LMX1A: variants seen among roughly 807,000 people sequenced by gnomAD.
LMX1A encodes the protein LIM homeobox transcription factor 1 alpha.
A neutral mutation model predicts 49.1 loss-of-function variants in LMX1A; 15 were observed. The ratio of observed to expected loss-of-function variants is 0.31; its 90% CI spans 0.20 to 0.47. LMX1A has a LOEUF of 0.47. Ranked by LOEUF, LMX1A falls within the 20% of genes least tolerant of loss-of-function variation. LMX1A has a pLI of 1.00. For missense variants in LMX1A, 372 were observed against 475.8 expected (o/e 0.78, Z 2.03); for synonymous variants, 167 against 185.7 (o/e 0.90, Z 0.82).
At chr1:165,262,529 G>A (rs1318536602) in intron 3 of LMX1A, among the ~76,000 whole-genome samples, 1 of 152,188 alleles carries the variant, frequency 6.6e-6, no homozygotes, top group Non-Finnish European at 1.5e-5. Context: ...AGAATTATAT[G>A]ATGCCAAATG....
intron 3 of LMX1A, among the ~76,000 whole-genome samples, chr1:165,321,755 A>G (rs772965674): frequency 3.3e-5 from 5 of 152,226 alleles, no homozygotes; most frequent in Non-Finnish European, 7.4e-5. Context: ...AAAATAAATC[A>G]TTTGACTTTA....
intron 3 of LMX1A, among the ~76,000 whole-genome samples, chr1:165,305,894 G>A (rs77477852): frequency 0.013 from 1,916 of 152,202 alleles, 40 homozygotes; most frequent in African/African-American, 0.044. Context: ...CATGCAAAAC[G>A]AGCACAGCCC....
chr1:165,321,434 TA>T (rs1284959748), intron 3 of LMX1A, among the ~76,000 whole-genome samples: 3 of 152,156 alleles, frequency 2.0e-5, no homozygotes, highest in African/African-American at 7.2e-5. Flanking sequence ...AAACTACTAC[TA>T]AAAAAATAAA....
intron 4 of LMX1A, among the ~76,000 whole-genome samples, chr1:165,223,408 A>G (rs1651923211): frequency 2.0e-5 from 3 of 152,342 alleles, no homozygotes; most frequent in African/African-American, 7.2e-5. Context: ...TGTGCCTACT[A>G]TGTGTAACCA....
chr1:165,249,364 C>T, intron 4 of LMX1A, 44 bp downstream of exon 4: 1 of 1,432,354 alleles, frequency 7.0e-7, no homozygotes, highest in Non-Finnish European at 9.8e-7. Flanking sequence ...CCCAACTCCA[C>T]TCTACCCACC....
Position 165,355,569 on chromosome 1 carries a change from G to C in LMX1A, c.-10C>G. Reference sequence around the variant, plus strand: ...TTAGGCCGTCCAGCATGTTCGGGCCGGGCCGGGAGGACCTGTAGAGGAGAA... The same window carrying C: ...TTAGGCCGTCCAGCATGTTCGGGCCCGGCCGGGAGGACCTGTAGAGGAGAA... On this transcript the variant is annotated 5_prime_UTR_variant, in exon 2 of 9. Coordinates refer to ENST00000342310, the MANE Select transcript of LMX1A (RefSeq NM_177398.4). This position sits in a 1 kb window ranked among gnomAD's most constrained non-coding sequence, Gnocchi z 4.7. 6.2e-7 allele frequency: 1 copy of C among 1,613,094 alleles called. No individual in the cohort carries two copies. The highest frequency in any genetic ancestry group is 8.5e-7 in the Non-Finnish European group (1 of 1,179,654).
At chr1:165,277,462 A>G (rs74118545) in intron 3 of LMX1A, among the ~76,000 whole-genome samples, 2,446 of 152,308 alleles carry the variant, frequency 0.016, 64 homozygotes, top group African/African-American at 0.055. Context: ...GAGTATTCCA[A>G]TATCACTCAC....
chr1:165,243,624 G>C (rs1233681824), intron 4 of LMX1A, among the ~76,000 whole-genome samples: 3 of 152,232 alleles, frequency 2.0e-5, no homozygotes, highest in Non-Finnish European at 1.5e-5. Flanking sequence ...ACATCTTAGG[G>C]AGCATTTCTG....
chr1:165,261,234 T>G (rs1211217909), intron 3 of LMX1A, among the ~76,000 whole-genome samples: 2 of 152,292 alleles, frequency 1.3e-5, no homozygotes, highest in East Asian at 3.9e-4. Context: ...CCGTTCTTGT[T>G]TCTTGATTTT....
intron 3 of LMX1A, among the ~76,000 whole-genome samples, chr1:165,256,918 C>T (rs906613634): frequency 6.6e-5 from 10 of 151,946 alleles, no homozygotes; most frequent in African/African-American, 2.2e-4. Context: ...GACAACACAC[C>T]GAGACACCCT....
rs114727058 is a variant in LMX1A, at chr1:165,349,224, G to A, written c.263+3852C>T. 7.3e-3 allele frequency among the ~76,000 whole-genome samples: 1,108 copies of A among 152,298 alleles called. 14 individuals are homozygous for A. The highest frequency in any genetic ancestry group is 0.024 in the African/African-American group (1,018 of 41,556). On this transcript the variant is annotated intron_variant, in intron 3 of 8. Transcript: ENST00000342310. ...TTATCTATTGTATTACCACATTCCC[G>A]TTATTCAGCAGTCTCTTCTGTCTCA...
At chr1:165,314,023 G>A (rs1655150157) in intron 3 of LMX1A, among the ~76,000 whole-genome samples, 1 of 152,134 alleles carries the variant, frequency 6.6e-6, no homozygotes, top group Non-Finnish European at 1.5e-5. Context: ...GAGATGGCAG[G>A]GGCCAGCCCT....
At position 165,294,968 on chromosome 1, in the gene LMX1A, G is replaced by GA. The variant is rs894920090; in HGVS notation, c.264-45329dup. Among the ~76,000 whole-genome samples the GA allele has an allele frequency of 5.3e-4, 79 of 148,698 alleles. No homozygotes were observed. In the East Asian group the frequency reaches 5.5e-3, roughly 10 times the overall value. On this transcript the variant is annotated intron_variant, in intron 3 of 8. Coordinates refer to ENST00000342310, the MANE Select transcript of LMX1A (RefSeq NM_177398.4). ...GACAGAGCAAGACTCCATCTCAAAA[G>GA]AAAAAAAAAATCACACGCACATAAC...
chr1:165,301,270 C>T (rs1654766890), intron 3 of LMX1A, among the ~76,000 whole-genome samples: 1 of 152,178 alleles, frequency 6.6e-6, no homozygotes, highest in African/African-American at 2.4e-5. Flanking sequence ...CTCGTCCCAC[C>T]TGGCAACTGT....
At chr1:165,262,288 CT>C (rs1191614279) in intron 3 of LMX1A, among the ~76,000 whole-genome samples, 2 of 152,064 alleles carry the variant, frequency 1.3e-5, no homozygotes, top group Non-Finnish European at 2.9e-5. Context: ...ACATTTTGCT[CT>C]TTACCTTTTC....
chr1:165,290,246 G>A (rs1038440674), intron 3 of LMX1A, among the ~76,000 whole-genome samples: 6 of 152,222 alleles, frequency 3.9e-5, no homozygotes, highest in Non-Finnish European at 4.4e-5. Flanking sequence ...TTATTCTCTC[G>A]CGGTTCTAGA....
chr1:165,355,574 G>T lies in LMX1A; in HGVS notation c.-15C>A, dbSNP rs761410142. ...CCGTCCAGCATGTTCGGGCCGGGCC[G>T]GGAGGACCTGTAGAGGAGAAGAAAC... On this transcript the variant is annotated 5_prime_UTR_variant, in exon 2 of 9. Coordinates refer to ENST00000342310, the MANE Select transcript of LMX1A (RefSeq NM_177398.4). The surrounding 1 kb of genome is among the most constrained non-coding windows in gnomAD (Gnocchi z 4.7). The T allele has an allele frequency of 6.2e-7, 1 of 1,612,664 alleles. No homozygotes were observed. Among genetic ancestry groups the T allele is most frequent in the Non-Finnish European group, 8.5e-7 (1 of 1,179,392 alleles).
intron 4 of LMX1A, among the ~76,000 whole-genome samples, chr1:165,246,814 AT>A (rs1264777906): frequency 6.6e-6 from 1 of 152,184 alleles, no homozygotes; most frequent in Non-Finnish European, 1.5e-5. Flanking sequence ...CATTCTTGTC[AT>A]TCATATTTTG....
chr1:165,271,679 C>A (rs74118539), intron 3 of LMX1A, among the ~76,000 whole-genome samples: 2,444 of 152,202 alleles, frequency 0.016, 65 homozygotes, highest in African/African-American at 0.055. Context: ...GGATGCTGAT[C>A]CCCATCATAA....
Sources: allele counts gnomAD v4.1 joint callset (sites outside exome capture counted in the v4.1 genomes callset), GRCh38; gene constraint gnomAD v4.1.1; non-coding constraint Gnocchi (gnomAD v3.1); transcripts MANE v1.5; gene names NCBI Gene and HGNC (gene_info 2026-07-23, HGNC 2026-07-21).